The following PPFIA2 variants were observed in gnomAD, a reference collection of about 807,000 sequenced individuals.
The protein encoded by PPFIA2 is liprin-alpha-2.
Under a neutral mutation model 175.5 loss-of-function variants are expected in PPFIA2, and 46 were observed. The ratio of observed to expected loss-of-function variants is 0.26; its 90% confidence interval spans 0.21 to 0.34. PPFIA2 has a LOEUF of 0.34. Among genes scored for constraint, PPFIA2 ranks in the 10% least tolerant of loss-of-function variants. The pLI is 1.00. For missense variants in PPFIA2, 1,179 were observed against 1,506.1 expected, an observed-to-expected ratio of 0.78 and a Z score of 3.60; for synonymous variants, 568 against 511.4, an observed-to-expected ratio of 1.11 and a Z score of -1.49.
chr12:81,590,373 C>A (rs1595363635), intron 4 of PPFIA2, among the ~76,000 whole-genome samples: 1 of 152,068 alleles, frequency 6.6e-6, no homozygotes, highest in Non-Finnish European at 1.5e-5. Context: ...AAATCTTGTT[C>A]TTTGATGAAA....
At position 81,567,471 on chromosome 12, in the gene PPFIA2, T is replaced by A. The variant is rs150572921; in HGVS notation, c.303+109320A>T. 4.2e-3 allele frequency among the ~76,000 whole-genome samples: 638 copies of A among 152,278 alleles called. 3 individuals are homozygous for A. Among genetic ancestry groups the A allele is most frequent in the African/African-American group, 0.014 (601 of 41,558 alleles). On this transcript the variant is annotated intron_variant, in intron 4 of 32. Coordinates refer to ENST00000549396, the MANE Select transcript of PPFIA2 (RefSeq NM_003625.5). ...AGTTTTAGAATAAGAGATGGTCATGTCAAAAATATGAAGCATGTGATTAGT... is the reference window on the plus strand; with the variant it reads ...AGTTTTAGAATAAGAGATGGTCATGACAAAAATATGAAGCATGTGATTAGT...
chr12:81,340,016 A>G (rs1284003498), intron 20 of PPFIA2, among the ~76,000 whole-genome samples: 1 of 152,130 alleles, frequency 6.6e-6, no homozygotes, highest in Non-Finnish European at 1.5e-5. Context: ...TATTAATAGG[A>G]TGGGATCAAT....
chr12:81,508,404 C>A lies in PPFIA2; in HGVS notation c.304-50538G>T, dbSNP rs964974137. 2.7e-5 allele frequency among the ~76,000 whole-genome samples: 4 copies of A among 150,778 alleles called. No homozygotes were observed. In the East Asian group the frequency reaches 7.9e-4, roughly 30 times the overall value. On this transcript the variant is annotated intron_variant, in intron 4 of 32. Transcript: ENST00000549396. ...GGTATGGTGGCACATGCTTGTAATC[C>A]CAGCTATTCGGGAGGCTGAGGCAGG...
intron 4 of PPFIA2, among the ~76,000 whole-genome samples, chr12:81,477,786 G>A (rs182395804): frequency 4.6e-5 from 7 of 152,192 alleles, no homozygotes; most frequent in African/African-American, 1.7e-4. Flanking sequence ...TTTTTGATAT[G>A]CTGCTAGATT....
At chr12:81,345,704 G>C (rs2058954030) in intron 18 of PPFIA2, among the ~76,000 whole-genome samples, 1 of 152,084 alleles carries the variant, frequency 6.6e-6, no homozygotes, top group Admixed American at 6.6e-5. Context: ...CTGTGGTCCA[G>C]GATTCTTACT....
chr12:81,374,751 T>G lies in PPFIA2; in HGVS notation c.1149A>C (p.Arg383Ser). The change falls in exon 11 of 33, where the codon AGA becomes AGC. Residue 383 changes from arginine (R) to serine (S), a missense_variant. Physicochemically the swap from Arg to Ser is moderately radical, Grantham distance 110. Around this residue, in one of 10 missense-constraint regions of PPFIA2, gnomAD observed 226 missense variants for 216.6 expected, o/e 1.04. Coordinates refer to ENST00000549396, the MANE Select transcript of PPFIA2 (RefSeq NM_003625.5). ...CTAGCTCAAGACGTTCTTGTAACTG[T>G]CTGTTTTTCTCTTCCATCTGAAATG... ...AILRQMEEKNRQLQERLELAE... is the reference protein window; with the variant it reads ...AILRQMEEKNSQLQERLELAE... 4 of 1,612,602 alleles carry G rather than the reference T, an allele frequency of 2.5e-6. No homozygotes were observed. The highest frequency in any genetic ancestry group is 3.4e-6 in the Non-Finnish European group (4 of 1,179,132).
chr12:81,431,028 A>T (rs2048008600), intron 7 of PPFIA2: 1 of 152,224 alleles, frequency 6.6e-6, no homozygotes, highest in Admixed American at 6.5e-5. Flanking sequence ...AAATTGGTAA[A>T]TTCAGTGGTT....
Position 81,324,777 on chromosome 12 carries a change from AT to A in PPFIA2, c.2642+999del, listed in dbSNP as rs200372872. Among the ~76,000 whole-genome samples, 1,165 of 152,028 alleles carry A rather than the reference AT, an allele frequency of 7.7e-3. 13 individuals are homozygous for A. Among genetic ancestry groups the A allele is most frequent in the African/African-American group, 0.026 (1,096 of 41,500 alleles). On this transcript the variant is annotated intron_variant, in intron 22 of 32. Coordinates refer to ENST00000549396, the MANE Select transcript of PPFIA2 (RefSeq NM_003625.5). ...TAGAAATAATTATGTTCTCAAAGTC[AT>A]TTTTTTCTGGACAATATTCCTACTG...
At chr12:81,653,790 A>G (rs1249613608) in intron 4 of PPFIA2, among the ~76,000 whole-genome samples, 1 of 152,048 alleles carries the variant, frequency 6.6e-6, no homozygotes, top group East Asian at 1.9e-4. Flanking sequence ...TCTTCTGAAA[A>G]TCACTTCCTC....
At chr12:81,758,633 G>T in intron 1 of PPFIA2, 126 bp from the exon 2 acceptor site, 1 of 341,410 alleles carries the variant, frequency 2.9e-6, no homozygotes, top group South Asian at 2.2e-5. Context: ...CAGCCAAAAG[G>T]AGAAGCGTCC....
In PPFIA2 at chr12:81,541,905, C is replaced by T. The variant is rs555288191; in HGVS notation, c.304-84039G>A. Among the ~76,000 whole-genome samples the T allele has an allele frequency of 2.1e-4, 32 of 151,866 alleles. No individual in the cohort carries two copies. The South Asian group carries it at 4.6e-3, about 22-fold the overall frequency. On this transcript the variant is annotated intron_variant, in intron 4 of 32. Coordinates refer to ENST00000549396, the MANE Select transcript of PPFIA2 (RefSeq NM_003625.5). ...ATTGGAGTTGGAAGTTACAGACAAGCAAGCTTTGAAGACTAGAATGATTGG... is the reference window on the plus strand; with the variant it reads ...ATTGGAGTTGGAAGTTACAGACAAGTAAGCTTTGAAGACTAGAATGATTGG...
At chr12:81,746,555 G>A (rs981049250) in intron 3 of PPFIA2, among the ~76,000 whole-genome samples, 2 of 143,928 alleles carry the variant, frequency 1.4e-5, no homozygotes, top group African/African-American at 4.9e-5. Flanking sequence ...AAAATAAGTT[G>A]AAAACTAAAG....
At position 81,259,201 on chromosome 12, in the gene PPFIA2, T is replaced by G. The variant is rs2136045208; in HGVS notation, c.*493A>C. The G allele has an allele frequency of 4.3e-6, 1 of 229,934 alleles. No homozygotes were observed. The highest frequency in any genetic ancestry group is 2.4e-5 in the African/African-American group (1 of 42,448). 14.2% of individuals were successfully genotyped at this position (229,934 alleles called of 1,614,324 possible). A position where few individuals can be genotyped will look rare whatever the true frequency, so the allele number is the denominator to read the frequency against. On this transcript the variant is annotated 3_prime_UTR_variant, in exon 33 of 33. Coordinates refer to ENST00000549396, the MANE Select transcript of PPFIA2 (RefSeq NM_003625.5). Reference sequence around the variant, plus strand: ...ATTTGACTATTAACAATCCAAAAACTGTAAAAATGGTGGAATGGTAAAATA... The same window carrying G: ...ATTTGACTATTAACAATCCAAAAACGGTAAAAATGGTGGAATGGTAAAATA...
chr12:81,757,669 A>C (rs980386639), intron 2 of PPFIA2, among the ~76,000 whole-genome samples: 4 of 152,348 alleles, frequency 2.6e-5, no homozygotes, highest in African/African-American at 9.6e-5. Context: ...AAAAGTTTGA[A>C]TGCCCACTGG....
intron 8 of PPFIA2, among the ~76,000 whole-genome samples, chr12:81,401,484 A>G (rs1455366796): frequency 1.3e-5 from 2 of 152,146 alleles, no homozygotes; most frequent in African/African-American, 2.4e-5. Flanking sequence ...ACACCCCTCA[A>G]TGAGGATTAA....
intron 8 of PPFIA2, among the ~76,000 whole-genome samples, chr12:81,391,585 A>C (rs549415471): frequency 6.6e-6 from 1 of 151,984 alleles, no homozygotes; most frequent in African/African-American, 2.4e-5. Context: ...AGCCATTCCT[A>C]TCTGTAATGG....
chr12:81,646,653 A>G (rs774867674), intron 4 of PPFIA2, among the ~76,000 whole-genome samples: 8 of 152,232 alleles, frequency 5.3e-5, no homozygotes, highest in Non-Finnish European at 8.8e-5. Flanking sequence ...GGCGCAGTCC[A>G]TAAAAGGAAG....
At chr12:81,389,394 TTAAAA>T (rs150228074) in intron 8 of PPFIA2, among the ~76,000 whole-genome samples, 1,839 of 151,906 alleles carry the variant, frequency 0.012, 12 homozygotes, top group Non-Finnish European at 0.019. Flanking sequence ...AATCAGGCAA[TTAAAA>T]TAAAACGCTT....
At chr12:81,730,992 G>T (rs1489938793) in intron 3 of PPFIA2, among the ~76,000 whole-genome samples, 1 of 151,486 alleles carries the variant, frequency 6.6e-6, no homozygotes, top group Non-Finnish European at 1.5e-5. Context: ...AGTAGTTTTT[G>T]ATTAAAACTG....
Sources: gnomAD v4.1 joint callset for allele counts (sites outside exome capture counted in the v4.1 genomes callset) on GRCh38, gnomAD v4.1.1 for gene constraint, gnomAD v4.1.1 regional missense constraint, MANE v1.5 for transcripts, NCBI Gene and HGNC (gene_info 2026-07-23, HGNC 2026-07-21) for gene names.